The following ASIP variants were observed in gnomAD, a reference collection of about 807,000 sequenced individuals.
ASIP encodes agouti signaling protein, also known as agouti-signaling protein.
A neutral mutation model predicts 10.3 loss-of-function variants in ASIP; 11 were observed. That is an observed-to-expected ratio of 1.07 (90% CI 0.68 to 1.78). ASIP has a LOEUF of 1.78. Among genes scored for constraint, ASIP ranks in the 40% most tolerant of loss-of-function variants. The pLI, the probability that ASIP is intolerant of heterozygous loss-of-function variation, is 0.00. For synonymous variants in ASIP, 70 were observed against 70.8 expected (o/e 0.99, Z 0.06); for missense variants, 180 against 169.2 (o/e 1.06, Z -0.35).
intron 1 of ASIP, chr20:34,215,243 C>G (rs2034999779): frequency 6.4e-7 from 1 of 1,568,268 alleles, no homozygotes; most frequent in East Asian, 2.2e-5. Flanking sequence ...AGGGATAAGT[C>G]AATCCAAGAG....
At chr20:34,242,216 TTTTTA>T (rs1363538372) in intron 1 of ASIP, among the ~76,000 whole-genome samples, 7 of 151,614 alleles carry the variant, frequency 4.6e-5, no homozygotes, top group Non-Finnish European at 1.0e-4. Flanking sequence ...TATTTTATTA[TTTTTA>T]TTTTATTTTA....
chr20:34,220,638 G>A (rs757204947), intron 1 of ASIP, among the ~76,000 whole-genome samples: 7 of 151,888 alleles, frequency 4.6e-5, no homozygotes, highest in Admixed American at 1.3e-4. Flanking sequence ...ATGAGACCAT[G>A]GAGAGCAAGC....
chr20:34,196,218 C>G (rs2034855942), intron 1 of ASIP, among the ~76,000 whole-genome samples: 2 of 123,716 alleles, frequency 1.6e-5, no homozygotes. Flanking sequence ...CCCGCTGTGT[C>G]GCCCAGGCTG....
At chr20:34,214,667 A>G in intron 1 of ASIP, 1 of 1,078,054 alleles carries the variant, frequency 9.3e-7, no homozygotes, top group Non-Finnish European at 1.5e-6. Flanking sequence ...TATTCTACAA[A>G]CATGGCTTTA....
At chr20:34,243,997 G>A (rs1601592923) in intron 1 of ASIP, among the ~76,000 whole-genome samples, 1 of 152,108 alleles carries the variant, frequency 6.6e-6, no homozygotes, top group South Asian at 2.1e-4. Context: ...CCCGGGAAGC[G>A]GAGCTTGCAG....
rs2034989166 is a variant in ASIP at position 34,213,681 on chromosome 20, T to C, written c.-11+18921T>C. ...TTGCTTCACAATCTTTGAGTATATG[T>C]TCTGAAGCAGATGGGATGAACGGAA... On this transcript the variant is annotated intron_variant, in intron 1 of 3. Coordinates refer to the ASIP transcript ENST00000568305. The C allele has an allele frequency of 2.6e-6, 4 of 1,544,438 alleles. No individual in the cohort carries two copies. The Admixed American group carries it at 5.0e-5, about 19-fold the overall frequency.
At chr20:34,231,758 A>G (rs1180614632) in intron 1 of ASIP, among the ~76,000 whole-genome samples, 1 of 152,260 alleles carries the variant, frequency 6.6e-6, no homozygotes, top group Admixed American at 6.5e-5. Context: ...ACAGATGGAA[A>G]TAAGCTCATT....
chr20:34,250,177 AC>A (rs2122630192), intron 1 of ASIP: 1 of 151,822 alleles, frequency 6.6e-6, no homozygotes, highest in East Asian at 1.9e-4. Context: ...GAGCCCAGTC[AC>A]CTCCCCTCCA....
chr20:34,225,733 T>G (rs1028740298), intron 1 of ASIP, among the ~76,000 whole-genome samples: 4 of 152,166 alleles, frequency 2.6e-5, no homozygotes, highest in African/African-American at 9.7e-5. Context: ...TTTTTTTGTA[T>G]AAGTTCTCAT....
intron 1 of ASIP, among the ~76,000 whole-genome samples, chr20:34,199,973 A>G (rs979404784): frequency 5.3e-5 from 8 of 152,084 alleles, no homozygotes; most frequent in African/African-American, 1.9e-4. Context: ...CCTCACCCCA[A>G]TCCTGGCCCA....
intron 1 of ASIP, among the ~76,000 whole-genome samples, chr20:34,219,858 G>C (rs2035033337): frequency 6.6e-6 from 1 of 152,210 alleles, no homozygotes; most frequent in Admixed American, 6.5e-5. Context: ...GGGAGGCCGA[G>C]GCAGGCGGAT....
intron 1 of ASIP, among the ~76,000 whole-genome samples, chr20:34,259,105 G>A (rs977808423): frequency 6.6e-6 from 1 of 151,594 alleles, no homozygotes; most frequent in African/African-American, 2.4e-5. Context: ...AGCTACTCAG[G>A]AGGATGAGGT....
chr20:34,268,666 CGA>C (rs1258444769), intron 3 of ASIP, among the ~76,000 whole-genome samples: 1 of 151,554 alleles, frequency 6.6e-6, no homozygotes, highest in Non-Finnish European at 1.5e-5. Flanking sequence ...AGCCCGAGAT[CGA>C]GATTGCAGTG....
upstream of ASIP, among the ~76,000 whole-genome samples, chr20:34,239,363 C>A (rs887763990): frequency 6.6e-6 from 1 of 152,100 alleles, no homozygotes; most frequent in Non-Finnish European, 1.5e-5. Flanking sequence ...ACTACAGGCA[C>A]CTGCCACCAC....
At chr20:34,267,938 T>C (rs574192202) in intron 3 of ASIP, among the ~76,000 whole-genome samples, 1 of 138,246 alleles carries the variant, frequency 7.2e-6, no homozygotes, top group African/African-American at 3.4e-5. Context: ...TAAAAAGTTA[T>C]TGAAATAATT....
At chr20:34,225,329 G>A (rs1010861724) in intron 1 of ASIP, among the ~76,000 whole-genome samples, 30 of 151,198 alleles carry the variant, frequency 2.0e-4, no homozygotes, top group African/African-American at 7.0e-4. Flanking sequence ...GTGAGCCACC[G>A]CGCCCTGCCT....
chr20:34,257,070 C>CTTTTT (rs56227909), intron 1 of ASIP, among the ~76,000 whole-genome samples: 1 of 139,420 alleles, frequency 7.2e-6, no homozygotes, highest in African/African-American at 2.6e-5. Context: ...CTTTCTTTCT[C>CTTTTT]TTTTTTTTTT....
intron 3 of ASIP, among the ~76,000 whole-genome samples, chr20:34,264,840 G>C (rs2035757569): frequency 7.5e-6 from 1 of 132,636 alleles, no homozygotes; most frequent in African/African-American, 3.0e-5. Context: ...CTGTCACTCA[G>C]GCTGGAGTGC....
chr20:34,219,145 G>A (rs969820803), intron 1 of ASIP, among the ~76,000 whole-genome samples: 2 of 152,124 alleles, frequency 1.3e-5, no homozygotes, highest in Non-Finnish European at 2.9e-5. Context: ...GGAACAGGTA[G>A]TATAAGAAAA....
Sources: allele counts gnomAD v4.1 joint callset (sites outside exome capture counted in the v4.1 genomes callset), GRCh38; gene constraint gnomAD v4.1.1; transcripts MANE v1.5; gene names NCBI Gene and HGNC (gene_info 2026-07-23, HGNC 2026-07-21).